CLTC: variants seen among roughly 807,000 people sequenced by gnomAD.
CLTC encodes clathrin heavy chain, also known as clathrin heavy chain 1.
A neutral mutation model predicts 195.8 loss-of-function variants in CLTC; 16 were observed. The ratio of observed to expected loss-of-function variants is 0.08; its 90% confidence interval spans 0.06 to 0.12. The LOEUF (loss-of-function observed/expected upper bound fraction) is 0.12, where lower values mean the gene tolerates loss of function less well. CLTC is among the 10% of genes least tolerant of loss of function. CLTC has a pLI of 1.00. For missense variants in CLTC, 796 were observed against 2,027.0 expected (o/e 0.39, Z 11.66); for synonymous variants, 667 against 689.4 (o/e 0.97, Z 0.51).
chr17:59,672,371 C>G (rs1332272650), intron 14 of CLTC, among the ~76,000 whole-genome samples: 4 of 151,936 alleles, frequency 2.6e-5, no homozygotes, highest in Non-Finnish European at 5.9e-5. Context: ...ATAAGTAATC[C>G]TAGATTATCT....
At chr17:59,623,267 A>G (rs1238747344) in intron 1 of CLTC, among the ~76,000 whole-genome samples, 4 of 152,236 alleles carry the variant, frequency 2.6e-5, no homozygotes, top group African/African-American at 9.6e-5. Flanking sequence ...GATTGTGAAT[A>G]GAAAGCAATG....
chr17:59,621,463 G>A (rs2031376551), intron 1 of CLTC, among the ~76,000 whole-genome samples: 1 of 152,050 alleles, frequency 6.6e-6, no homozygotes, highest in Non-Finnish European at 1.5e-5. Context: ...TTTCCCCATT[G>A]GCATAGCATA....
Position 59,682,323 on chromosome 17 carries a change from A to C in CLTC, c.3495A>C (p.Arg1165=). ...TGCAGATGGCCCGTAAGAAGGCTCG[A>C]GAGTCCTATGTGGAGACAGAACTGA... The part of the protein sequence containing the change: ...KYLQMARKKA[R]ESYVETELIF... The change falls in exon 22 of 32, where the codon CGA becomes CGC. Residue 1165 remains arginine (R), a synonymous_variant. Coordinates refer to ENST00000269122, the MANE Select transcript of CLTC (RefSeq NM_004859.4). The surrounding 1 kb of genome is among the most constrained non-coding windows in gnomAD (Gnocchi z 6.8). 1 of 1,614,174 alleles carries C rather than the reference A, an allele frequency of 6.2e-7. No individual in the cohort carries two copies. Among genetic ancestry groups the C allele is most frequent in the Non-Finnish European group, 8.5e-7 (1 of 1,179,990 alleles).
chr17:59,657,103 T>G (rs2032489371), intron 6 of CLTC, among the ~76,000 whole-genome samples: 1 of 152,228 alleles, frequency 6.6e-6, no homozygotes, highest in African/African-American at 2.4e-5. Context: ...TTTTCCCAGA[T>G]AATAAGCAAA....
intron 1 of CLTC, among the ~76,000 whole-genome samples, chr17:59,625,889 AT>A: frequency 6.6e-6 from 1 of 152,116 alleles, no homozygotes; most frequent in Non-Finnish European, 1.5e-5. Context: ...TCTCTGGGAA[AT>A]GGGCATACTT....
rs1241240355 is a variant in CLTC, at chr17:59,679,541, A to G, written c.2919+22A>G. ...CCAGGTAACATTGGCAAATGTGTTT[A>G]TGGCTGTCAGTAAAAATTATACATT... On this transcript the variant is annotated intron_variant, in intron 18 of 31. Coordinates refer to ENST00000269122, the MANE Select transcript of CLTC (RefSeq NM_004859.4). 3.2e-6 allele frequency: 5 copies of G among 1,544,078 alleles called. No homozygotes were observed. The South Asian group carries it at 6.4e-5, about 20-fold the overall frequency.
chr17:59,668,505 G>A (rs1423735527), intron 13 of CLTC, among the ~76,000 whole-genome samples: 4 of 152,122 alleles, frequency 2.6e-5, no homozygotes, highest in Non-Finnish European at 4.4e-5. Flanking sequence ...AGCTATGATC[G>A]TGCCACTGCA....
chr17:59,689,580 T>G (rs2033254045), intron 30 of CLTC: 1 of 152,180 alleles, frequency 6.6e-6, no homozygotes, highest in Non-Finnish European at 1.5e-5. Flanking sequence ...GATTTGAAAT[T>G]TAGTTTTACT....
At chr17:59,670,299 T>C (rs1030082277) in intron 14 of CLTC, among the ~76,000 whole-genome samples, 1 of 152,016 alleles carries the variant, frequency 6.6e-6, no homozygotes, top group African/African-American at 2.4e-5. Context: ...GTTTTTCTTT[T>C]TAAGCTTTTA....
chr17:59,648,496 C>T lies in CLTC; in HGVS notation c.681+95C>T. 8.4e-7 allele frequency: 1 copy of T among 1,190,970 alleles called. No homozygotes were observed. The highest frequency in any genetic ancestry group is 1.2e-6 in the Non-Finnish European group (1 of 844,812). 73.8% of individuals were successfully genotyped at this position (1,190,970 alleles called of 1,614,324 possible). A position where few individuals can be genotyped will look rare whatever the true frequency, so the allele number is the denominator to read the frequency against. On this transcript the variant is annotated intron_variant, in intron 4 of 31. Coordinates refer to ENST00000269122, the MANE Select transcript of CLTC (RefSeq NM_004859.4). The surrounding 1 kb of genome is among the most constrained non-coding windows in gnomAD (Gnocchi z 4.5). Reference sequence around the variant, plus strand: ...TAATTTCAAAATAGCCTTCTCCCTTCCTAAGTAATTTTAGTATTCACATTT... The same window carrying T: ...TAATTTCAAAATAGCCTTCTCCCTTTCTAAGTAATTTTAGTATTCACATTT...
In CLTC at chr17:59,694,952, A is replaced by G. The variant is rs2033387511; in HGVS notation, c.*1100A>G. 1 of 220,148 alleles carries G rather than the reference A, an allele frequency of 4.5e-6. No individual in the cohort carries two copies. The highest frequency in any genetic ancestry group is 2.2e-5 in the African/African-American group (1 of 44,770). 13.6% of individuals were successfully genotyped at this position (220,148 alleles called of 1,614,324 possible). On this transcript the variant is annotated 3_prime_UTR_variant, in exon 32 of 32. Transcript: ENST00000269122. ...TGTAGTTCATTAACAAGGTACATGCAATAGTCTAAAGAACCAGAGTCACTA... is the reference window on the plus strand; with the variant it reads ...TGTAGTTCATTAACAAGGTACATGCGATAGTCTAAAGAACCAGAGTCACTA...
intron 18 of CLTC, among the ~76,000 whole-genome samples, 193 bp downstream of exon 18, chr17:59,679,712 TTATA>T (rs1199639440): frequency 6.6e-6 from 1 of 152,018 alleles, no homozygotes; most frequent in East Asian, 1.9e-4. Context: ...TGTAAATTGA[TTATA>T]TACATTATAT....
intron 14 of CLTC, among the ~76,000 whole-genome samples, chr17:59,673,416 G>C (rs530136220): frequency 3.9e-4 from 60 of 152,246 alleles, no homozygotes; most frequent in Middle Eastern, 3.4e-3. Flanking sequence ...TTGGTAAAGG[G>C]TGTGTATGGG....
intron 5 of CLTC, among the ~76,000 whole-genome samples, chr17:59,654,773 A>T (rs1016238752): frequency 6.6e-6 from 1 of 152,248 alleles, no homozygotes; most frequent in Non-Finnish European, 1.5e-5. Flanking sequence ...TAGCCACTGC[A>T]CTTGGCCTAT....
chr17:59,662,982 CAG>C (rs1438750485), intron 8 of CLTC, among the ~76,000 whole-genome samples: 1 of 152,164 alleles, frequency 6.6e-6, no homozygotes, highest in African/African-American at 2.4e-5. Context: ...ACCTACGTAA[CAG>C]GGTGAAAGCT....
At position 59,693,482 on chromosome 17, in the gene CLTC, C is replaced by T. The variant is rs183256849; in HGVS notation, c.4904-246C>T. On this transcript the variant is annotated intron_variant, in intron 31 of 31. Transcript: ENST00000269122. ...TCAAGTATACAGAGTGTCAGGCATACGGTGTTCAGTCATAAGCAGTTCTGG... is the reference window on the plus strand; with the variant it reads ...TCAAGTATACAGAGTGTCAGGCATATGGTGTTCAGTCATAAGCAGTTCTGG... Among the ~76,000 whole-genome samples, 31 of 151,474 alleles carry T rather than the reference C, an allele frequency of 2.0e-4. No homozygotes were observed. In the East Asian group the frequency reaches 3.9e-3, roughly 19 times the overall value.
At chr17:59,662,390 A>C (rs1357837272) in intron 8 of CLTC, among the ~76,000 whole-genome samples, 1 of 152,196 alleles carries the variant, frequency 6.6e-6, no homozygotes, top group Non-Finnish European at 1.5e-5. Flanking sequence ...TATGTGGAAT[A>C]GTGACTGAGA....
At chr17:59,660,296 C>T in intron 6 of CLTC, 95 bp from the exon 7 acceptor site, 1 of 1,022,420 alleles carries the variant, frequency 9.8e-7, no homozygotes, top group South Asian at 1.5e-5. Flanking sequence ...ATTTCATTAC[C>T]TTTGTGACTC....
intron 1 of CLTC, among the ~76,000 whole-genome samples, chr17:59,623,802 G>C (rs2031459811): frequency 6.6e-6 from 1 of 152,176 alleles, no homozygotes; most frequent in African/African-American, 2.4e-5. Flanking sequence ...CAGCTACATA[G>C]GGATATTGAG....
Sources: gnomAD v4.1 joint callset for allele counts (sites outside exome capture counted in the v4.1 genomes callset) on GRCh38, gnomAD v4.1.1 for gene constraint, Gnocchi (gnomAD v3.1) non-coding constraint, MANE v1.5 for transcripts, NCBI Gene and HGNC (gene_info 2026-07-23, HGNC 2026-07-21) for gene names.